Variants in PDE1C observed in about 807,000 individuals in gnomAD.
The protein encoded by PDE1C is phosphodiesterase 1C, also known as dual specificity calcium/calmodulin-dependent 3',5'-cyclic nucleotide phosphodiesterase 1C.
In PDE1C, 62 loss-of-function variants were observed where a neutral mutation model predicts 93.1. The ratio of observed to expected loss-of-function variants is 0.67; its 90% CI spans 0.54 to 0.82. The LOEUF is 0.82. Among genes scored for constraint, PDE1C ranks in the 40% least tolerant of loss-of-function variants. The pLI, the probability that PDE1C is intolerant of heterozygous loss-of-function variation, is 0.00. For synonymous variants in PDE1C, 325 were observed against 310.1 expected (o/e 1.05, Z -0.50); for missense variants, 742 against 884.6 (o/e 0.84, Z 2.04).
the PDE1C span, among the ~76,000 whole-genome samples, chr7:31,705,135 C>T: frequency 6.6e-6 from 1 of 152,140 alleles, no homozygotes. Context: ...GACAGCCCAG[C>T]CTACTTTGAG....
chr7:31,785,971 C>G (rs1584069344), intron 16 of PDE1C: 1 of 152,094 alleles, frequency 6.6e-6, no homozygotes, highest in East Asian at 1.9e-4. Context: ...AATCATGGAT[C>G]ACAGTTGATA....
the PDE1C span, among the ~76,000 whole-genome samples, chr7:31,717,398 A>G: frequency 5.3e-5 from 8 of 152,228 alleles, no homozygotes; most frequent in Non-Finnish European, 7.3e-5. Flanking sequence ...CCAAAATACC[A>G]TGCAAAGCAA....
intron 2 of PDE1C, among the ~76,000 whole-genome samples, chr7:31,960,530 T>G (rs925452717): frequency 2.6e-5 from 4 of 152,178 alleles, no homozygotes; most frequent in African/African-American, 7.2e-5. Flanking sequence ...AACTGTAAAG[T>G]AGATAACAGT....
At chr7:31,919,865 A>G (rs1250316768) in intron 2 of PDE1C, among the ~76,000 whole-genome samples, 1 of 152,048 alleles carries the variant, frequency 6.6e-6, no homozygotes, top group Non-Finnish European at 1.5e-5. Flanking sequence ...GGTGCTCCCA[A>G]CCTACCCTCC....
In PDE1C at chr7:32,368,001, T is replaced by C. The variant is rs113154950; in HGVS notation, c.310+59821A>G. ...ATAAAAAATCCCAATAAATTAGGTA[T>C]AGAAGGAAAGTATCTCAACACAATA... On this transcript the variant is annotated intron_variant, in intron 1 of 1. Transcript: ENST00000672256. Among the ~76,000 whole-genome samples, 813 of 150,238 alleles carry C rather than the reference T, an allele frequency of 5.4e-3. 12 individuals are homozygous for C. Among genetic ancestry groups the C allele is most frequent in the African/African-American group, 0.019 (773 of 41,006 alleles).
At chr7:31,773,336 G>A (rs1306052192) in intron 17 of PDE1C, among the ~76,000 whole-genome samples, 1 of 152,032 alleles carries the variant, frequency 6.6e-6, no homozygotes, top group African/African-American at 2.4e-5. Context: ...CTGAGTCAGA[G>A]GCCTTGGGAA....
chr7:31,790,335 G>A (rs1249495008), intron 16 of PDE1C: 3 of 1,353,352 alleles, frequency 2.2e-6, no homozygotes, highest in East Asian at 2.3e-5. Flanking sequence ...CCAAGTCTGA[G>A]GAGAAGGAAA....
At chr7:32,339,491 G>T (rs1474519980) in intron 1 of PDE1C, among the ~76,000 whole-genome samples, 3 of 152,058 alleles carry the variant, frequency 2.0e-5, no homozygotes, top group African/African-American at 4.8e-5. Flanking sequence ...AAGGTTAGAT[G>T]ATACATTTTA....
intron 1 of PDE1C, among the ~76,000 whole-genome samples, chr7:32,250,950 C>T (rs181243432): frequency 6.6e-6 from 1 of 152,244 alleles, no homozygotes; most frequent in African/African-American, 2.4e-5. Context: ...GGCGCATGAT[C>T]TAATGCCAGA....
At chr7:32,305,914 T>C (rs1010584972) in intron 1 of PDE1C, among the ~76,000 whole-genome samples, 4 of 152,256 alleles carry the variant, frequency 2.6e-5, no homozygotes, top group South Asian at 4.1e-4. Flanking sequence ...GATTTGGCTA[T>C]GTCTCCACCC....
intron 2 of PDE1C, among the ~76,000 whole-genome samples, chr7:32,044,796 T>G (rs138318784): frequency 6.6e-6 from 1 of 152,200 alleles, no homozygotes; most frequent in East Asian, 1.9e-4. Flanking sequence ...AATGGAAGAA[T>G]GGTAGTAATT....
At chr7:31,784,501 C>T (rs932453201) in intron 16 of PDE1C, 1 of 152,010 alleles carries the variant, frequency 6.6e-6, no homozygotes, top group Non-Finnish European at 1.5e-5. Flanking sequence ...GAACAAGGTG[C>T]TTTTATTTTT....
chr7:32,116,017 G>A (rs1359642162), intron 3 of PDE1C, among the ~76,000 whole-genome samples: 1 of 152,124 alleles, frequency 6.6e-6, no homozygotes, highest in African/African-American at 2.4e-5. Flanking sequence ...AAAATCTCAG[G>A]AAATTGGGAT....
At chr7:31,651,415 T>C in the PDE1C span, 1 of 986,788 alleles carries the variant, frequency 1.0e-6, no homozygotes, top group South Asian at 2.2e-5. Flanking sequence ...GTCTTGTTCT[T>C]GCTTTCTCAG....
intron 11 of PDE1C, among the ~76,000 whole-genome samples, chr7:31,835,852 C>T (rs1791027517): frequency 6.6e-6 from 1 of 151,736 alleles, no homozygotes; most frequent in Non-Finnish European, 1.5e-5. Context: ...CACACAGGCA[C>T]ACACACACAC....
chr7:32,283,905 C>T (rs1201829609), intron 1 of PDE1C, among the ~76,000 whole-genome samples: 4 of 152,266 alleles, frequency 2.6e-5, no homozygotes, highest in East Asian at 1.9e-4. Flanking sequence ...ATTTCTGTAG[C>T]GCTCAGACTG....
chr7:31,967,974 T>G (rs1178441564), intron 2 of PDE1C, among the ~76,000 whole-genome samples: 2 of 152,194 alleles, frequency 1.3e-5, no homozygotes, highest in Non-Finnish European at 2.9e-5. Flanking sequence ...TAATAAGAGC[T>G]GTCTATGACA....
chr7:31,834,751 G>T, intron 11 of PDE1C, among the ~76,000 whole-genome samples: 1 of 151,998 alleles, frequency 6.6e-6, no homozygotes, highest in Non-Finnish European at 1.5e-5. Context: ...ATGAGACTTC[G>T]AACTGTGGAC....
the PDE1C span, among the ~76,000 whole-genome samples, chr7:31,744,662 T>C: frequency 1.3e-5 from 2 of 152,210 alleles, no homozygotes; most frequent in African/African-American, 2.4e-5. Flanking sequence ...AGTGACACCA[T>C]TGTATGTGGC....
Sources: gnomAD v4.1 joint callset for allele counts (sites outside exome capture counted in the v4.1 genomes callset) on GRCh38, gnomAD v4.1.1 for gene constraint, MANE v1.5 for transcripts, NCBI Gene and HGNC (gene_info 2026-07-23, HGNC 2026-07-21) for gene names.